Variants in TLCD4 observed in about 807,000 individuals in gnomAD.
The protein encoded by TLCD4 is TLC domain containing 4.
In TLCD4, 7 loss-of-function variants were observed where a neutral mutation model predicts 24.2. That is an observed-to-expected ratio of 0.29 (90% CI 0.16 to 0.54). The LOEUF is 0.54. TLCD4 is among the 20% of genes least tolerant of loss of function. The pLI, the probability that TLCD4 is intolerant of heterozygous loss-of-function variation, is 0.95. For missense variants in TLCD4, 259 were observed against 313.9 expected, an observed-to-expected ratio of 0.82 and a Z score of 1.32; for synonymous variants, 103 against 106.4, an observed-to-expected ratio of 0.97 and a Z score of 0.20.
intron 5 of TLCD4, among the ~76,000 whole-genome samples, chr1:95,168,846 A>G (rs1678112599): frequency 6.6e-6 from 1 of 152,212 alleles, no homozygotes; most frequent in African/African-American, 2.4e-5. Context: ...ATAACAGTGA[A>G]TAAGGAACAG....
At chr1:95,129,231 C>G (rs1304333441) in intron 1 of TLCD4, among the ~76,000 whole-genome samples, 2 of 152,168 alleles carry the variant, frequency 1.3e-5, no homozygotes, top group African/African-American at 4.8e-5. Context: ...GGGTCTGTAG[C>G]AGGCAGAATT....
At chr1:95,102,428 G>A in the TLCD4 span, among the ~76,000 whole-genome samples, 1 of 152,108 alleles carries the variant, frequency 6.6e-6, no homozygotes, top group Non-Finnish European at 1.5e-5. Context: ...GCAAGAGGGA[G>A]GAGTCTAGGA....
chr1:95,175,359 G>C (rs1032456307), intron 6 of TLCD4, among the ~76,000 whole-genome samples: 2 of 152,174 alleles, frequency 1.3e-5, no homozygotes, highest in African/African-American at 4.8e-5. Context: ...TGTAGCATAT[G>C]ACAGGATTTT....
chr1:95,148,976 A>G (rs1488312791), intron 3 of TLCD4, among the ~76,000 whole-genome samples, 185 bp downstream of exon 3: 1 of 152,316 alleles, frequency 6.6e-6, no homozygotes, highest in East Asian at 1.9e-4. Context: ...ACACAAATGA[A>G]GGCCATTTTG....
chr1:95,160,714 G>A (rs915790091), intron 5 of TLCD4, among the ~76,000 whole-genome samples: 1 of 152,158 alleles, frequency 6.6e-6, no homozygotes, highest in Non-Finnish European at 1.5e-5. Context: ...TCGCATGAAG[G>A]CTGTTGAATT....
At chr1:95,170,719 C>T (rs1283117269) in intron 5 of TLCD4, among the ~76,000 whole-genome samples, 1 of 151,898 alleles carries the variant, frequency 6.6e-6, no homozygotes, top group East Asian at 1.9e-4. Flanking sequence ...TTTTTTTGTC[C>T]CCTCAAGAGT....
chr1:95,192,085 C>T lies in TLCD4; in HGVS notation c.*217C>T. On this transcript the variant is annotated 3_prime_UTR_variant, in exon 7 of 7. Transcript: ENST00000370203. ...GCCAAGGTGGGTCGATCACTGAGGT[C>T]AGGAGTTCGAGACTAGCTTGGCCAA... 9.3e-7 allele frequency: 1 copy of T among 1,069,546 alleles called. No individual in the cohort carries two copies. The highest frequency in any genetic ancestry group is 3.5e-5 in the Admixed American group (1 of 28,290). 66.3% of individuals were successfully genotyped at this position (1,069,546 alleles called of 1,614,324 possible).
At chr1:95,189,151 T>G (rs1005139848) in intron 6 of TLCD4, among the ~76,000 whole-genome samples, 1 of 152,160 alleles carries the variant, frequency 6.6e-6, no homozygotes, top group African/African-American at 2.4e-5. Context: ...ATCAAACAAA[T>G]CCATTTATTT....
At chr1:95,161,214 T>C (rs1052778072) in intron 5 of TLCD4, among the ~76,000 whole-genome samples, 3 of 152,328 alleles carry the variant, frequency 2.0e-5, no homozygotes, top group East Asian at 3.9e-4. Context: ...ATTCAACTTC[T>C]TCCTGGTTTA....
At chr1:95,188,054 C>G (rs887450377) in intron 6 of TLCD4, among the ~76,000 whole-genome samples, 5 of 152,078 alleles carry the variant, frequency 3.3e-5, no homozygotes, top group African/African-American at 4.8e-5. Context: ...CTTAAAGGAC[C>G]TATCTTGAAA....
intron 1 of TLCD4, among the ~76,000 whole-genome samples, chr1:95,141,473 G>C (rs1274972542): frequency 1.3e-5 from 2 of 152,078 alleles, no homozygotes; most frequent in East Asian, 3.9e-4. Context: ...TCACATTTAA[G>C]ATTAGATTCT....
the TLCD4 span, among the ~76,000 whole-genome samples, chr1:95,111,561 T>A: frequency 3.9e-5 from 6 of 152,118 alleles, no homozygotes; most frequent in Non-Finnish European, 8.8e-5. Context: ...AGGAGAAAAG[T>A]CTACAACAGA....
At position 95,193,910 on chromosome 1, in the gene TLCD4, T is replaced by A. The variant is rs951436731; in HGVS notation, c.*2042T>A. 1.3e-5 allele frequency: 2 copies of A among 152,066 alleles called. No individual in the cohort carries two copies. Among genetic ancestry groups the A allele is most frequent in the Non-Finnish European group, 2.9e-5 (2 of 67,952 alleles). 9.4% of individuals were successfully genotyped at this position (152,066 alleles called of 1,614,324 possible). ...CAGGAAAAGTGGCTTTAAAAAAATT[T>A]ATATAATAAAACTATTTTGGAAATT... On this transcript the variant is annotated 3_prime_UTR_variant, in exon 7 of 7. Transcript: ENST00000370203.
At chr1:95,149,223 A>T (rs145706126) in intron 3 of TLCD4, among the ~76,000 whole-genome samples, 2 of 152,322 alleles carry the variant, frequency 1.3e-5, no homozygotes, top group African/African-American at 2.4e-5. Flanking sequence ...TGGCCATGTG[A>T]TAGGAATTTA....
At chr1:95,107,495 G>A in the TLCD4 span, among the ~76,000 whole-genome samples, 4 of 152,130 alleles carry the variant, frequency 2.6e-5, no homozygotes, top group Admixed American at 6.5e-5. Context: ...TCTCTGTGAA[G>A]TGGTTGGTTT....
In TLCD4 at chr1:95,191,881, G is replaced by A. The variant is rs191852720; in HGVS notation, c.*13G>A. 2,128 of 1,605,740 alleles carry A rather than the reference G, an allele frequency of 1.3e-3. 5 individuals carry two copies. Among genetic ancestry groups the A allele is most frequent in the Non-Finnish European group, 1.6e-3 (1,908 of 1,176,174 alleles). ...AAAACTTGATTAAAAGAGTGCTACC[G>A]ATAAGCAAACTTCATTACTACCCAG... On this transcript the variant is annotated 3_prime_UTR_variant, in exon 7 of 7. Transcript: ENST00000370203.
chr1:95,152,640 G>C (rs1213899951), intron 5 of TLCD4, among the ~76,000 whole-genome samples: 1 of 151,964 alleles, frequency 6.6e-6, no homozygotes, highest in Admixed American at 6.6e-5. Flanking sequence ...TGCTATTTTT[G>C]TATCTTTCTA....
chr1:95,170,346 T>TG lies in TLCD4; in HGVS notation c.400-3470_400-3469insG, dbSNP rs1457957485. 2.6e-5 allele frequency among the ~76,000 whole-genome samples: 4 copies of TG among 151,182 alleles called. No individual in the cohort carries two copies. In the South Asian group the frequency reaches 8.4e-4, roughly 32 times the overall value. On this transcript the variant is annotated intron_variant, in intron 5 of 6. Coordinates refer to ENST00000370203, the MANE Select transcript of TLCD4 (RefSeq NM_152487.3). ...CAAATCATTCTTTTTTTTTTTTTTT[T>TG]TTGAGAAGAGTCTCGCTCTGTCCCC...
intron 5 of TLCD4, among the ~76,000 whole-genome samples, chr1:95,159,035 G>C (rs1395812451): frequency 6.6e-6 from 1 of 152,164 alleles, no homozygotes; most frequent in Non-Finnish European, 1.5e-5. Flanking sequence ...TAATGGGATG[G>C]CTGGGTCAAA....
Sources: gnomAD v4.1 joint callset for allele counts (sites outside exome capture counted in the v4.1 genomes callset) on GRCh38, gnomAD v4.1.1 for gene constraint, MANE v1.5 for transcripts, NCBI Gene and HGNC (gene_info 2026-07-23, HGNC 2026-07-21) for gene names.